The following TLN2 variants were observed in gnomAD, a reference collection of about 807,000 sequenced individuals.
TLN2 encodes the protein talin-2.
In TLN2, 118 loss-of-function variants were observed where a neutral mutation model predicts 294.7. The observed-to-expected ratio is 0.40, with a 90% CI of 0.34 to 0.47. The LOEUF (loss-of-function observed/expected upper bound fraction) is 0.47, where lower values mean the gene tolerates loss of function less well. TLN2 is among the 20% of genes least tolerant of loss of function. The pLI, the probability that TLN2 is intolerant of heterozygous loss-of-function variation, is 0.84. For missense variants in TLN2, 3,083 were observed against 3,282.2 expected (o/e 0.94, Z 1.48); for synonymous variants, 1,431 against 1,304.5 (o/e 1.10, Z -2.09).
intron 9 of TLN2, among the ~76,000 whole-genome samples, chr15:62,658,822 T>C (rs1033016599): frequency 6.6e-6 from 1 of 152,296 alleles, no homozygotes; most frequent in South Asian, 2.1e-4. Flanking sequence ...TCCCACCTTC[T>C]AGCCTCACGG....
At chr15:62,762,138 C>T (rs891883690) in intron 38 of TLN2, 134 bp from the exon 39 acceptor site, 3 of 1,095,162 alleles carry the variant, frequency 2.7e-6, no homozygotes, top group African/African-American at 3.1e-5. Flanking sequence ...ATCCAGTCTT[C>T]ATGGTTCCCT....
intron 17 of TLN2, 51 bp from the exon 18 acceptor site, chr15:62,701,941 C>T (rs1195935610): frequency 1.1e-5 from 18 of 1,599,572 alleles, no homozygotes; most frequent in Non-Finnish European, 1.5e-5. Flanking sequence ...TGAAAATTCT[C>T]ACCAGAACCA....
chr15:62,506,946 T>C (rs960849489), intron 1 of TLN2, among the ~76,000 whole-genome samples: 4 of 152,216 alleles, frequency 2.6e-5, no homozygotes, highest in Admixed American at 1.3e-4. Flanking sequence ...TTTCAGCATA[T>C]GTGAAGTGAA....
At chr15:62,786,334 A>T (rs2064655365) in intron 45 of TLN2, among the ~76,000 whole-genome samples, 1 of 152,218 alleles carries the variant, frequency 6.6e-6, no homozygotes, top group African/African-American at 2.4e-5. Context: ...GGTCTTTTCC[A>T]GAATGTGACA....
intron 58 of TLN2, among the ~76,000 whole-genome samples, chr15:62,839,632 C>T (rs544794170): frequency 5.9e-5 from 9 of 152,286 alleles, no homozygotes; most frequent in South Asian, 2.1e-4. Flanking sequence ...GTCTCCATCT[C>T]GTAAATCCAT....
rs1431476749 is a variant in TLN2, at chr15:62,664,856, T to C, written c.788+6958T>C. 2.3e-3 allele frequency among the ~76,000 whole-genome samples: 3 copies of C among 1,328 alleles called. No homozygotes were observed. The South Asian group carries it at 0.071, about 32-fold the overall frequency. The allele number at this position is 1,328 out of a possible 152,430, so 0.9% of individuals were successfully genotyped here. A position where few individuals can be genotyped will look rare whatever the true frequency, so the allele number is the denominator to read the frequency against. On this transcript the variant is annotated intron_variant, in intron 9 of 58. Transcript: ENST00000636159. The stretch of plus-strand genomic sequence containing the variant: ...CCTGGGCAACAAGAGGGAAACTGTC[T>C]CAAAAAAAAAAAAAAAAAAAAAGTG...
At chr15:62,454,906 G>A (rs1367747537) in intron 1 of TLN2, among the ~76,000 whole-genome samples, 3 of 152,084 alleles carry the variant, frequency 2.0e-5, no homozygotes, top group African/African-American at 4.8e-5. Context: ...CAGGTGGGGA[G>A]AGAAGAGGTA....
Position 62,644,536 on chromosome 15 carries a change from G to A in TLN2, c.-36-2739G>A, listed in dbSNP as rs1345972503. 9 of 456,056 alleles carry A rather than the reference G, an allele frequency of 2.0e-5. No individual in the cohort carries two copies. In the Admixed American group the frequency reaches 2.1e-4, roughly 11 times the overall value. The allele number at this position is 456,056 out of a possible 1,614,324, so 28.3% of individuals were successfully genotyped here. The stretch of plus-strand genomic sequence containing the variant: ...ACTCACCTCCAAATCTTTGTCCCCA[G>A]CAGCCTTTCTTGACAGAGGTTTTCC... On this transcript the variant is annotated intron_variant, in intron 3 of 58. Coordinates refer to ENST00000636159, the MANE Select transcript of TLN2 (RefSeq NM_015059.3).
At chr15:62,725,226 T>G in intron 27 of TLN2, 122 bp downstream of exon 27, 1 of 1,395,726 alleles carries the variant, frequency 7.2e-7, no homozygotes, top group Non-Finnish European at 9.4e-7. Context: ...CCTGTGGTCT[T>G]TTTCTGAAAA....
At chr15:62,469,222 C>T (rs1567001377) in intron 1 of TLN2, among the ~76,000 whole-genome samples, 2 of 152,186 alleles carry the variant, frequency 1.3e-5, no homozygotes, top group African/African-American at 4.8e-5. Flanking sequence ...GCAGACTTCT[C>T]ATCTAAGACA....
intron 52 of TLN2, among the ~76,000 whole-genome samples, chr15:62,815,354 T>C (rs1596100234): frequency 6.6e-6 from 1 of 152,276 alleles, no homozygotes; most frequent in East Asian, 1.9e-4. Context: ...CCTGTAGATC[T>C]TAGGGTAGTC....
At chr15:62,840,272 A>C (rs1297661084) in intron 58 of TLN2, among the ~76,000 whole-genome samples, 2 of 152,162 alleles carry the variant, frequency 1.3e-5, no homozygotes, top group African/African-American at 2.4e-5. Flanking sequence ...ATCACAGGCC[A>C]GAACCAGCGT....
chr15:62,812,011 C>CAATCAATA (rs1555517217), intron 52 of TLN2, among the ~76,000 whole-genome samples: 12 of 130,676 alleles, frequency 9.2e-5, no homozygotes, highest in South Asian at 2.7e-4. Context: ...GACTCCATCT[C>CAATCAATA]AATAAATAAA....
At chr15:62,533,666 A>G (rs1337751855) in intron 1 of TLN2, among the ~76,000 whole-genome samples, 1 of 152,170 alleles carries the variant, frequency 6.6e-6, no homozygotes, top group African/African-American at 2.4e-5. Context: ...CCCATAAAAA[A>G]TGCCAGGAGG....
At chr15:62,445,481 A>G (rs1181412537) in intron 1 of TLN2, among the ~76,000 whole-genome samples, 1 of 152,214 alleles carries the variant, frequency 6.6e-6, no homozygotes, top group Non-Finnish European at 1.5e-5. Context: ...GTGCACACAC[A>G]CACCCTTAAG....
chr15:62,568,335 C>G (rs577878111), intron 1 of TLN2, among the ~76,000 whole-genome samples: 43 of 152,320 alleles, frequency 2.8e-4, no homozygotes, highest in African/African-American at 1.0e-3. Context: ...ACTGAGTGAT[C>G]TGGGGCAAAC....
intron 1 of TLN2, among the ~76,000 whole-genome samples, chr15:62,447,714 C>T (rs1302975401): frequency 3.3e-5 from 5 of 151,928 alleles, no homozygotes; most frequent in Non-Finnish European, 7.4e-5. Flanking sequence ...AGGATGGTCT[C>T]GATCTCCTGA....
intron 2 of TLN2, among the ~76,000 whole-genome samples, chr15:62,617,030 C>T (rs1449525812): frequency 6.6e-6 from 1 of 152,026 alleles, no homozygotes; most frequent in African/African-American, 2.4e-5. Context: ...AAAGGAGAGA[C>T]TGCCATGCAA....
intron 51 of TLN2, among the ~76,000 whole-genome samples, chr15:62,807,726 C>A (rs1220227043): frequency 6.6e-6 from 1 of 152,156 alleles, no homozygotes; most frequent in Non-Finnish European, 1.5e-5. Flanking sequence ...TCTGTCATCT[C>A]GACCCTGGGA....
Sources: gnomAD v4.1 joint callset for allele counts (sites outside exome capture counted in the v4.1 genomes callset) on GRCh38, gnomAD v4.1.1 for gene constraint, MANE v1.5 for transcripts, NCBI Gene and HGNC (gene_info 2026-07-23, HGNC 2026-07-21) for gene names.